Variants in ADGRE2 observed in about 807,000 individuals in gnomAD.
ADGRE2 encodes the protein CD97 antigen.
ADGRE2 carries 83 observed loss-of-function variants against 100.8 expected under a neutral mutation model. The observed-to-expected ratio is 0.82, with a 90% CI of 0.69 to 0.99. The LOEUF is 0.99. Ranked by LOEUF, ADGRE2 falls within the 50% of genes least tolerant of loss-of-function variation. The pLI, the probability that ADGRE2 is intolerant of heterozygous loss-of-function variation, is 0.00. For missense variants in ADGRE2, 814 were observed against 1,035.7 expected (o/e 0.79, Z 2.94); for synonymous variants, 355 against 413.0 (o/e 0.86, Z 1.70).
intron 5 of ADGRE2, among the ~76,000 whole-genome samples, chr19:14,767,415 T>G (rs2044031717): frequency 6.6e-6 from 1 of 152,058 alleles, no homozygotes; most frequent in South Asian, 2.1e-4. Context: ...ATTTTTTGTA[T>G]TTTTAGTATT....
intron 16 of ADGRE2, among the ~76,000 whole-genome samples, chr19:14,749,602 T>G (rs972180652): frequency 1.8e-4 from 18 of 101,476 alleles, no homozygotes; most frequent in African/African-American, 6.6e-4. Context: ...TATAGCTATG[T>G]TATATAATTA....
Position 14,765,659 on chromosome 19 carries a change from T to C in ADGRE2, c.780A>G (p.Glu260=). The C allele has an allele frequency of 6.2e-7, 1 of 1,613,910 alleles. No homozygotes were observed. The highest frequency in any genetic ancestry group is 2.2e-5 in the East Asian group (1 of 44,892). ...IPNNQKDTVC[E]DMTFSTWTPP... ...GGAGCTTCTAGGGCCAGGTCATACC[T>C]TCACAGACAGTGTCCTTTTGGTTAT... The change falls in exon 8 of 21, where the codon GAA becomes GAG. Residue 260 remains glutamate, a splice_region_variant and synonymous_variant. Transcript: ENST00000315576.
chr19:14,754,463 C>CTATG (rs2043415945), intron 14 of ADGRE2, among the ~76,000 whole-genome samples: 2 of 148,032 alleles, frequency 1.4e-5, no homozygotes, highest in African/African-American at 5.1e-5. Context: ...ATCTATCTAT[C>CTATG]TATCTATCTA....
chr19:14,740,476 C>T (rs2042894809), intron 20 of ADGRE2, among the ~76,000 whole-genome samples: 1 of 151,766 alleles, frequency 6.6e-6, no homozygotes, highest in Non-Finnish European at 1.5e-5. Flanking sequence ...ACAAAATTAG[C>T]CAGGCTTGGT....
chr19:14,752,228 CAG>C, intron 15 of ADGRE2, 99 bp downstream of exon 15: 1 of 1,455,252 alleles, frequency 6.9e-7, no homozygotes, highest in Non-Finnish European at 9.4e-7. Context: ...CCACCACGCC[CAG>C]CCGGGCTATT....
chr19:14,751,410 T>G, intron 16 of ADGRE2, 26 bp downstream of exon 16: 1 of 1,550,582 alleles, frequency 6.4e-7, no homozygotes, highest in Non-Finnish European at 8.9e-7. Context: ...CCGGAGAAGA[T>G]AAGGATTGTG....
At chr19:14,756,379 G>T in intron 11 of ADGRE2, 34 bp from the exon 12 acceptor site, 1 of 1,479,486 alleles carries the variant, frequency 6.8e-7, no homozygotes, top group Non-Finnish European at 9.5e-7. Context: ...AGGGGGGTTA[G>T]GTTAGGAATC....
chr19:14,739,871 C>A (rs552772329), intron 20 of ADGRE2, among the ~76,000 whole-genome samples: 2 of 152,098 alleles, frequency 1.3e-5, no homozygotes, highest in Admixed American at 1.3e-4. Flanking sequence ...GAGGCCAAGG[C>A]GGGCAGATGG....
Position 14,740,633 on chromosome 19 carries a change from A to G in ADGRE2, c.2463+2787T>C, listed in dbSNP as rs909915195. ...CGAAACTCCGTCTCAAAAAAAAAAA[A>G]AAAAGAAAAATAAAAAAGGAAAAAG... On this transcript the variant is annotated intron_variant, in intron 20 of 20. Coordinates refer to ENST00000315576, the MANE Select transcript of ADGRE2 (RefSeq NM_013447.4). Among the ~76,000 whole-genome samples the G allele has an allele frequency of 3.9e-5, 6 of 152,006 alleles. No homozygotes were observed. In the East Asian group the frequency reaches 9.6e-4, roughly 24 times the overall value.
intron 11 of ADGRE2, among the ~76,000 whole-genome samples, chr19:14,763,321 CGA>C (rs1274444571): frequency 6.6e-6 from 1 of 151,710 alleles, no homozygotes; most frequent in Non-Finnish European, 1.5e-5. Context: ...CCAGCCTGGG[CGA>C]CAGAGTGAGA....
intron 12 of ADGRE2, 133 bp downstream of exon 12, chr19:14,756,105 G>A: frequency 1.2e-6 from 1 of 800,156 alleles, no homozygotes; most frequent in Non-Finnish European, 2.1e-6. Context: ...TCCTCAGCTG[G>A]ACTCTCCTCT....
chr19:14,731,309 C>T, downstream of ADGRE2: 1 of 983,278 alleles, frequency 1.0e-6, no homozygotes, highest in South Asian at 1.4e-5. Context: ...CTGAAGCTTG[C>T]AGGTCAGTGG....
chr19:14,775,034 C>T (rs1252228937), intron 2 of ADGRE2, among the ~76,000 whole-genome samples: 2 of 150,000 alleles, frequency 1.3e-5, no homozygotes, highest in Non-Finnish European at 3.0e-5. Context: ...ATGGAGTCTC[C>T]CTTTGTTGCC....
chr19:14,736,991 A>C (rs952754819), intron 20 of ADGRE2, among the ~76,000 whole-genome samples: 1 of 148,838 alleles, frequency 6.7e-6, no homozygotes, highest in African/African-American at 2.4e-5. Flanking sequence ...AGAAATAAGA[A>C]ATTAGTTAAA....
In ADGRE2 at chr19:14,736,262, G is replaced by A. The variant is rs1355702045; in HGVS notation, c.2464-18C>T. ...TAGTTAACCTGAAATATATATATAT[G>A]TATGTATTTTGTTGTTGAGACAGAG... is the stretch of plus-strand genomic sequence containing the variant. On this transcript the variant is annotated intron_variant, in intron 20 of 20. Transcript: ENST00000315576. The A allele has an allele frequency of 6.7e-7, 1 of 1,483,374 alleles. No homozygotes were observed. The highest frequency in any genetic ancestry group is 9.4e-7 in the Non-Finnish European group (1 of 1,069,154). 91.9% of individuals were successfully genotyped at this position (1,483,374 alleles called of 1,614,324 possible). A position where few individuals can be genotyped will look rare whatever the true frequency, so the allele number is the denominator to read the frequency against.
chr19:14,775,018 T>TG, intron 2 of ADGRE2, among the ~76,000 whole-genome samples: 1 of 151,792 alleles, frequency 6.6e-6, no homozygotes, highest in African/African-American at 2.4e-5. Flanking sequence ...TTTATTTTTT[T>TG]TTGAGATGGA....
At chr19:14,737,082 A>T (rs1351024351) in intron 20 of ADGRE2, among the ~76,000 whole-genome samples, 1 of 150,952 alleles carries the variant, frequency 6.6e-6, no homozygotes, top group African/African-American at 2.4e-5. Flanking sequence ...TCACATATAG[A>T]TAACCATTTT....
At chr19:14,765,171 T>C in intron 10 of ADGRE2, 149 bp downstream of exon 10, 1 of 790,414 alleles carries the variant, frequency 1.3e-6, no homozygotes, top group Non-Finnish European at 2.1e-6. Flanking sequence ...GGGTGTCCAT[T>C]AGCTTCCACC....
chr19:14,759,482 G>A (rs1435054899), intron 11 of ADGRE2, among the ~76,000 whole-genome samples: 1 of 97,088 alleles, frequency 1.0e-5, no homozygotes, highest in Non-Finnish European at 1.9e-5. Flanking sequence ...AAAAGTATAA[G>A]TTATACATAT....
Sources: gnomAD v4.1 joint callset for allele counts (sites outside exome capture counted in the v4.1 genomes callset) on GRCh38, gnomAD v4.1.1 for gene constraint, MANE v1.5 for transcripts, NCBI Gene and HGNC (gene_info 2026-07-23, HGNC 2026-07-21) for gene names.